The following RNASEH2B variants were observed in gnomAD, a reference collection of about 807,000 sequenced individuals.
RNASEH2B encodes ribonuclease H2 subunit B.
A neutral mutation model predicts 45.0 loss-of-function variants in RNASEH2B; 36 were observed. The observed-to-expected ratio is 0.80, with a 90% CI of 0.61 to 1.06. The LOEUF (loss-of-function observed/expected upper bound fraction) is 1.06, where lower values mean the gene tolerates loss of function less well. Among genes scored for constraint, RNASEH2B ranks in the 50% least tolerant of loss-of-function variants. The pLI is 0.00. For synonymous variants in RNASEH2B, 119 were observed against 125.7 expected, an observed-to-expected ratio of 0.95 and a Z score of 0.35; for missense variants, 361 against 360.3, an observed-to-expected ratio of 1.00 and a Z score of -0.02.
At chr13:50,930,046 T>C in intron 3 of RNASEH2B, 1 of 232,118 alleles carries the variant, frequency 4.3e-6, no homozygotes, top group Admixed American at 5.2e-5. Context: ...CATACACACA[T>C]ACACCCCCCA....
chr13:50,968,494 G>A (rs982019017), intron 9 of RNASEH2B, among the ~76,000 whole-genome samples: 1 of 152,164 alleles, frequency 6.6e-6, no homozygotes, highest in African/African-American at 2.4e-5. Context: ...TGGTCTGTGT[G>A]AGGTCATACA....
At chr13:50,920,047 T>TTG (rs1239859031) in intron 1 of RNASEH2B, among the ~76,000 whole-genome samples, 1 of 149,826 alleles carries the variant, frequency 6.7e-6, no homozygotes, top group African/African-American at 2.5e-5. Context: ...TTGTTTTGTT[T>TTG]TGTTTTGACA....
chr13:50,963,247 T>C lies in RNASEH2B; in HGVS notation c.742-6685T>C, dbSNP rs1203965667. Among the ~76,000 whole-genome samples the C allele has an allele frequency of 1.2e-4, 18 of 152,202 alleles. 1 individual carries two copies. In the East Asian group the frequency reaches 3.3e-3, roughly 28 times the overall value. ...TGGCACAATCTCAGCTCGCTGCAAC[T>C]TCCGCCTCCCGGGTTCAAGTGATTC... On this transcript the variant is annotated intron_variant, in intron 9 of 9. Transcript: ENST00000422660.
At chr13:50,951,651 T>G (rs1286001185) in intron 9 of RNASEH2B, 1 of 152,162 alleles carries the variant, frequency 6.6e-6, no homozygotes, top group African/African-American at 2.4e-5. Flanking sequence ...ACTGTATCCA[T>G]TTAGTCATAG....
chr13:50,927,359 C>A, intron 1 of RNASEH2B, 48 bp from the exon 2 acceptor site: 1 of 1,160,682 alleles, frequency 8.6e-7, no homozygotes, highest in Non-Finnish European at 1.3e-6. Context: ...AGGTGAGCAA[C>A]AAAACAGCTG....
Position 50,943,400 on chromosome 13 carries a change from G to C in RNASEH2B, c.510+6G>C. 1 of 1,585,568 alleles carries C rather than the reference G, an allele frequency of 6.3e-7. No homozygotes were observed. Among genetic ancestry groups the C allele is most frequent in the South Asian group, 1.1e-5 (1 of 90,530 alleles). On this transcript the variant is annotated splice_donor_region_variant and intron_variant, in intron 6 of 10. Coordinates refer to ENST00000336617, the MANE Select transcript of RNASEH2B (RefSeq NM_024570.4). The stretch of plus-strand genomic sequence containing the variant: ...TAAAGTGGCTGGAAAAAAAGGTATA[G>C]TTCCTCTCTAGTGCCTTGTGGTAAA...
downstream of RNASEH2B, chr13:50,960,068 A>C (rs1952095825): frequency 1.3e-5 from 7 of 541,538 alleles, no homozygotes; most frequent in East Asian, 2.5e-4. Context: ...CTTCATCTTC[A>C]ATAGGTTCTA....
At chr13:50,933,099 G>A (rs1393595137) in intron 4 of RNASEH2B, among the ~76,000 whole-genome samples, 3 of 152,184 alleles carry the variant, frequency 2.0e-5, no homozygotes, top group Admixed American at 6.5e-5. Flanking sequence ...CACCAGGAAC[G>A]CCCTGGGGAA....
At chr13:50,968,349 A>G (rs943145525) in intron 9 of RNASEH2B, among the ~76,000 whole-genome samples, 17 of 152,242 alleles carry the variant, frequency 1.1e-4, no homozygotes, top group African/African-American at 4.1e-4. Flanking sequence ...ACAGTGGACT[A>G]TGATTATAAC....
rs1046313296 is a variant in RNASEH2B, at chr13:50,949,042, T to C, written c.699-421T>C. 1.7e-5 allele frequency: 3 copies of C among 171,958 alleles called. No individual in the cohort carries two copies. In the Admixed American group the frequency reaches 1.8e-4, roughly 10 times the overall value. The allele number at this position is 171,958 out of a possible 1,614,324, so 10.7% of individuals were successfully genotyped here. On this transcript the variant is annotated intron_variant, in intron 8 of 10. Coordinates refer to ENST00000336617, the MANE Select transcript of RNASEH2B (RefSeq NM_024570.4). ...TTGGTTGAAGAGTTCAGAAGAAAGG[T>C]ATGCCAATTAAACTGCTTTCTAATG...
intron 4 of RNASEH2B, among the ~76,000 whole-genome samples, chr13:50,932,213 A>C (rs1416755487): frequency 6.6e-6 from 1 of 152,128 alleles, no homozygotes; most frequent in African/African-American, 2.4e-5. Flanking sequence ...TGGGTTTTTC[A>C]AATAAAAATG....
At chr13:50,930,625 A>G (rs1365357153) in intron 3 of RNASEH2B, 58 bp from the exon 4 acceptor site, 2 of 1,226,008 alleles carry the variant, frequency 1.6e-6, no homozygotes, top group African/African-American at 1.5e-5. Context: ...TTAAGGTGAA[A>G]TAGCCACATT....
At chr13:50,913,831 G>A (rs1174924507) in intron 1 of RNASEH2B, among the ~76,000 whole-genome samples, 1 of 152,136 alleles carries the variant, frequency 6.6e-6, no homozygotes, top group Non-Finnish European at 1.5e-5. Flanking sequence ...AGCTTTTTAT[G>A]TGAGGCATCG....
intron 4 of RNASEH2B, among the ~76,000 whole-genome samples, chr13:50,933,015 G>A (rs972365860): frequency 2.6e-5 from 4 of 152,150 alleles, no homozygotes; most frequent in African/African-American, 9.7e-5. Flanking sequence ...TGTGATGGCC[G>A]GTATAACGAG....
chr13:50,916,268 C>T (rs1463865016), intron 1 of RNASEH2B, among the ~76,000 whole-genome samples: 1 of 151,618 alleles, frequency 6.6e-6, no homozygotes, highest in African/African-American at 2.4e-5. Flanking sequence ...ACCCTTACTA[C>T]TTATTTAATG....
chr13:50,921,567 C>A (rs140518808), intron 1 of RNASEH2B, among the ~76,000 whole-genome samples: 1 of 152,272 alleles, frequency 6.6e-6, no homozygotes, highest in East Asian at 1.9e-4. Context: ...AAATCTTTAA[C>A]TTTGATAGAG....
At chr13:50,947,818 A>G (rs905494183) in intron 7 of RNASEH2B, among the ~76,000 whole-genome samples, 169 bp from the exon 8 acceptor site, 11 of 152,204 alleles carry the variant, frequency 7.2e-5, no homozygotes, top group Admixed American at 2.0e-4. Flanking sequence ...AGTCTGACCG[A>G]TAGATATTAC....
chr13:50,939,876 A>G (rs1951812869), intron 5 of RNASEH2B, among the ~76,000 whole-genome samples: 1 of 152,224 alleles, frequency 6.6e-6, no homozygotes, highest in Admixed American at 6.5e-5. Context: ...TTCTTAGGAC[A>G]CAAAACCCAC....
intron 4 of RNASEH2B, among the ~76,000 whole-genome samples, chr13:50,931,263 A>G (rs1253457757): frequency 6.6e-6 from 1 of 152,194 alleles, no homozygotes; most frequent in African/African-American, 2.4e-5. Flanking sequence ...AAATAAAGAC[A>G]CAGCTTACTA....
Sources: allele counts gnomAD v4.1 joint callset (sites outside exome capture counted in the v4.1 genomes callset), GRCh38; gene constraint gnomAD v4.1.1; transcripts MANE v1.5; gene names NCBI Gene and HGNC (gene_info 2026-07-23, HGNC 2026-07-21).